SLA: variants seen among roughly 807,000 people sequenced by gnomAD.
SLA encodes the protein src-like-adapter.
SLA carries 16 observed loss-of-function variants against 30.3 expected under a neutral mutation model. The ratio of observed to expected loss-of-function variants is 0.53; its 90% CI spans 0.36 to 0.80. SLA has a LOEUF of 0.80. SLA is among the 30% of genes least tolerant of loss of function. The probability of loss-of-function intolerance (pLI) is 0.01; values close to 1 mark genes in which losing one functional copy is unlikely to be tolerated. For missense variants in SLA, 310 were observed against 345.2 expected (o/e 0.90, Z 0.81); for synonymous variants, 143 against 137.8 (o/e 1.04, Z -0.26).
chr8:133,093,925 T>C (rs963423791), intron 1 of SLA, among the ~76,000 whole-genome samples: 5 of 152,198 alleles, frequency 3.3e-5, no homozygotes, highest in African/African-American at 1.2e-4. Context: ...TTGAGTGAGT[T>C]TGTCGGAGCC....
At chr8:133,077,105 G>C (rs1475759175) in intron 1 of SLA, among the ~76,000 whole-genome samples, 1 of 152,174 alleles carries the variant, frequency 6.6e-6, no homozygotes, top group Non-Finnish European at 1.5e-5. Context: ...GATATCATTA[G>C]GCTGAGAACT....
chr8:133,046,156 G>A (rs772905094), intron 6 of SLA, among the ~76,000 whole-genome samples: 98 of 152,194 alleles, frequency 6.4e-4, no homozygotes, highest in Non-Finnish European at 7.8e-4. Flanking sequence ...ATGTTTCAGG[G>A]TCCTCTCTTG....
intron 2 of SLA, chr8:133,063,518 A>AT (rs1842680231): frequency 6.6e-6 from 1 of 150,916 alleles, no homozygotes; most frequent in Non-Finnish European, 1.5e-5. Context: ...AAAAAAAAAA[A>AT]GCCTTTAAAC....
At chr8:133,062,837 C>T (rs576793679) in intron 2 of SLA, among the ~76,000 whole-genome samples, 1 of 152,274 alleles carries the variant, frequency 6.6e-6, no homozygotes, top group Non-Finnish European at 1.5e-5. Flanking sequence ...ACATGTGACA[C>T]GCACAGGGTG....
Position 133,050,911 on chromosome 8 carries a change from C to G in SLA, c.66G>C (p.Leu22=). The G allele has an allele frequency of 1.2e-6, 2 of 1,609,708 alleles. No individual in the cohort carries two copies. Among genetic ancestry groups the G allele is most frequent in the Non-Finnish European group, 8.5e-7 (1 of 1,176,048 alleles). The change falls in exon 4 of 9, where the codon CTG becomes CTC. Residue 22 remains leucine, a synonymous_variant. Coordinates refer to ENST00000338087, the MANE Select transcript of SLA (RefSeq NM_001045556.3). ...AERPLPNPEG[L]DSDFLAVLSD... ...TTAGCACGGCAAGGAAGTCGCTATC[C>G]AGTCCTGGGGAAACAAAGGCAAGGG...
chr8:133,051,631 G>C (rs1840428028), intron 3 of SLA, among the ~76,000 whole-genome samples: 1 of 152,178 alleles, frequency 6.6e-6, no homozygotes, highest in Non-Finnish European at 1.5e-5. Context: ...GTGAAGTTTT[G>C]AAAAGGAAAG....
At chr8:133,049,165 A>G (rs560146318) in intron 5 of SLA, 12 of 456,466 alleles carry the variant, frequency 2.6e-5, no homozygotes, top group Non-Finnish European at 4.8e-5. Flanking sequence ...AGGAGGCTGC[A>G]GAGGCCTCAC....
intron 1 of SLA, among the ~76,000 whole-genome samples, chr8:133,101,494 G>T (rs1387307020): frequency 6.6e-6 from 1 of 152,164 alleles, no homozygotes; most frequent in Non-Finnish European, 1.5e-5. Context: ...TCTCAGCCAT[G>T]CCTTTTACTC....
chr8:133,040,667 A>G (rs898509072), intron 7 of SLA, among the ~76,000 whole-genome samples: 2 of 152,102 alleles, frequency 1.3e-5, no homozygotes, highest in African/African-American at 4.8e-5. Context: ...GAAACAATGA[A>G]AGAAGGAAGG....
chr8:133,072,744 C>T (rs1328279423), intron 2 of SLA, among the ~76,000 whole-genome samples: 1 of 152,178 alleles, frequency 6.6e-6, no homozygotes, highest in Admixed American at 6.5e-5. Flanking sequence ...CCAGATTTCA[C>T]AATTTAGAAT....
intron 1 of SLA, 75 bp downstream of exon 1, chr8:133,102,478 C>T: frequency 7.4e-7 from 1 of 1,353,956 alleles, no homozygotes; most frequent in Non-Finnish European, 1.0e-6. Context: ...CTCTGAAGAC[C>T]CTCCCCCACA....
At chr8:133,061,104 G>A (rs1200688811) in intron 2 of SLA, among the ~76,000 whole-genome samples, 5 of 152,160 alleles carry the variant, frequency 3.3e-5, no homozygotes, top group Non-Finnish European at 4.4e-5. Context: ...CCTGCCTCCC[G>A]GGTTCAAGCG....
intron 1 of SLA, among the ~76,000 whole-genome samples, chr8:133,080,094 A>G (rs1564163527): frequency 6.6e-6 from 1 of 151,888 alleles, no homozygotes; most frequent in Non-Finnish European, 1.5e-5. Flanking sequence ...AGTAAGAGGA[A>G]CTCTCCCCTT....
chr8:133,056,455 C>T (rs981978467), intron 3 of SLA, among the ~76,000 whole-genome samples: 7 of 152,158 alleles, frequency 4.6e-5, no homozygotes, highest in African/African-American at 1.4e-4. Flanking sequence ...CTCATTCATT[C>T]GAGACGAGCC....
intron 2 of SLA, among the ~76,000 whole-genome samples, chr8:133,070,713 A>G (rs1333917068): frequency 6.6e-6 from 1 of 152,212 alleles, no homozygotes; most frequent in Non-Finnish European, 1.5e-5. Context: ...ATAAAACTTT[A>G]ATTCTAAAAG....
intron 1 of SLA, among the ~76,000 whole-genome samples, chr8:133,096,827 G>A (rs1848489705): frequency 1.3e-5 from 2 of 152,212 alleles, no homozygotes; most frequent in Non-Finnish European, 1.5e-5. Context: ...CTAGTAAAGA[G>A]AGCACGCACA....
At chr8:133,052,703 G>A (rs931669670) in intron 3 of SLA, among the ~76,000 whole-genome samples, 1 of 152,214 alleles carries the variant, frequency 6.6e-6, no homozygotes, top group African/African-American at 2.4e-5. Context: ...TAAAGCTTAA[G>A]CAAATTTGGC....
intron 1 of SLA, among the ~76,000 whole-genome samples, chr8:133,081,765 G>A (rs1189611182): frequency 6.6e-6 from 1 of 152,194 alleles, no homozygotes; most frequent in Non-Finnish European, 1.5e-5. Context: ...GAGGTCAGCA[G>A]TGTTCCCAGA....
At chr8:133,080,869 C>A (rs1845637822) in intron 1 of SLA, among the ~76,000 whole-genome samples, 1 of 152,212 alleles carries the variant, frequency 6.6e-6, no homozygotes, top group Non-Finnish European at 1.5e-5. Context: ...GTGCTAACAT[C>A]TAGGAAGATG....
Sources: allele counts gnomAD v4.1 joint callset (sites outside exome capture counted in the v4.1 genomes callset), GRCh38; gene constraint gnomAD v4.1.1; transcripts MANE v1.5; gene names NCBI Gene and HGNC (gene_info 2026-07-23, HGNC 2026-07-21).